TFDP1: variants seen among roughly 807,000 people sequenced by gnomAD.
TFDP1 encodes DRTF1-polypeptide 1.
TFDP1 carries 6 observed loss-of-function variants against 48.0 expected under a neutral mutation model. That is an observed-to-expected ratio of 0.13 (90% CI 0.07 to 0.25). The LOEUF (loss-of-function observed/expected upper bound fraction) is 0.25, where lower values mean the gene tolerates loss of function less well. Among genes scored for constraint, TFDP1 ranks in the 10% least tolerant of loss-of-function variants. TFDP1 has a pLI of 1.00. For missense variants in TFDP1, 335 were observed against 543.0 expected (o/e 0.62, Z 3.81); for synonymous variants, 201 against 211.6 (o/e 0.95, Z 0.44).
At chr13:113,630,925 C>T (rs375453370) in intron 4 of TFDP1, among the ~76,000 whole-genome samples, 44 of 152,314 alleles carry the variant, frequency 2.9e-4, no homozygotes, top group African/African-American at 1.0e-3. Flanking sequence ...CAGAGGGGCC[C>T]AGGTGTGTGA....
At chr13:113,593,759 C>T (rs1387800720) in intron 2 of TFDP1, among the ~76,000 whole-genome samples, 3 of 146,692 alleles carry the variant, frequency 2.0e-5, no homozygotes, top group African/African-American at 7.6e-5. Context: ...CGCGGGTCCT[C>T]AGCCGTGCCC....
At chr13:113,634,989 A>G (rs146698524) in intron 8 of TFDP1, among the ~76,000 whole-genome samples, 13 of 151,874 alleles carry the variant, frequency 8.6e-5, no homozygotes, top group Non-Finnish European at 1.3e-4. Flanking sequence ...CAAAAGACAG[A>G]TGGAGGGATG....
intron 4 of TFDP1, among the ~76,000 whole-genome samples, chr13:113,626,242 T>C (rs1342854747): frequency 6.6e-5 from 10 of 152,304 alleles, no homozygotes; most frequent in East Asian, 1.9e-4. Context: ...TGTTTTTTGT[T>C]GTCTAGGGCA....
At chr13:113,621,478 G>A (rs1322386882) in intron 3 of TFDP1, among the ~76,000 whole-genome samples, 2 of 152,192 alleles carry the variant, frequency 1.3e-5, no homozygotes, top group Non-Finnish European at 2.9e-5. Context: ...TCTTAGATAT[G>A]ATTATATATG....
intron 2 of TFDP1, among the ~76,000 whole-genome samples, chr13:113,595,542 A>G: frequency 6.6e-6 from 1 of 152,190 alleles, no homozygotes; most frequent in East Asian, 1.9e-4. Flanking sequence ...TTCCTGCTGC[A>G]TGGATGTGTC....
intron 2 of TFDP1, among the ~76,000 whole-genome samples, chr13:113,609,073 G>A (rs1045381017): frequency 6.6e-6 from 1 of 152,260 alleles, no homozygotes; most frequent in Non-Finnish European, 1.5e-5. Flanking sequence ...TTTTCCTGGT[G>A]TCGTATGTTT....
At chr13:113,616,493 G>C (rs535053751) in intron 3 of TFDP1, among the ~76,000 whole-genome samples, 1 of 152,306 alleles carries the variant, frequency 6.6e-6, no homozygotes, top group Admixed American at 6.5e-5. Flanking sequence ...GCCAGGCCGG[G>C]TCCCTCGTTT....
chr13:113,637,701 TC>T (rs1425657999), intron 10 of TFDP1, 116 bp from the exon 11 acceptor site: 1 of 1,578,190 alleles, frequency 6.3e-7, no homozygotes, highest in Non-Finnish European at 8.6e-7. Context: ...GCGAAGGATA[TC>T]CGGAAGCTTC....
intron 4 of TFDP1, among the ~76,000 whole-genome samples, chr13:113,625,761 TC>T (rs1375282542): frequency 1.7e-5 from 2 of 119,630 alleles, no homozygotes; most frequent in African/African-American, 6.9e-5. Flanking sequence ...CTCTCACGTG[TC>T]CTCAGGCGTC....
At chr13:113,634,939 A>G (rs940829628) in intron 8 of TFDP1, among the ~76,000 whole-genome samples, 2 of 152,188 alleles carry the variant, frequency 1.3e-5, no homozygotes, top group African/African-American at 4.8e-5. Context: ...GTGTGCATAC[A>G]TGTGTATGTG....
chr13:113,589,096 A>G (rs1464843812), intron 2 of TFDP1, among the ~76,000 whole-genome samples: 1 of 152,148 alleles, frequency 6.6e-6, no homozygotes, highest in Non-Finnish European at 1.5e-5. Flanking sequence ...GAAACAGCCT[A>G]GAAGGTGGCT....
chr13:113,611,154 A>G (rs2048699311), intron 3 of TFDP1, 92 bp downstream of exon 3: 1 of 1,270,944 alleles, frequency 7.9e-7, no homozygotes, highest in Non-Finnish European at 1.1e-6. Flanking sequence ...GCCTCTTGCT[A>G]ATGATGGCAT....
At chr13:113,604,245 G>T (rs1448738137) in intron 2 of TFDP1, among the ~76,000 whole-genome samples, 2 of 151,584 alleles carry the variant, frequency 1.3e-5, no homozygotes, top group Non-Finnish European at 2.9e-5. Context: ...CAGCCCACAA[G>T]AAATGCAAGG....
intron 5 of TFDP1, among the ~76,000 whole-genome samples, chr13:113,632,620 A>G (rs1429551797): frequency 2.0e-5 from 3 of 152,296 alleles, no homozygotes. Flanking sequence ...TATTAAAAAT[A>G]CAAAAAAATT....
At chr13:113,594,404 G>C (rs917455905) in intron 2 of TFDP1, among the ~76,000 whole-genome samples, 1 of 151,684 alleles carries the variant, frequency 6.6e-6, no homozygotes, top group Non-Finnish European at 1.5e-5. Context: ...GCCCTGCCCA[G>C]GTGACAGGTG....
At chr13:113,632,529 G>A (rs968621843) in intron 5 of TFDP1, among the ~76,000 whole-genome samples, 2 of 152,120 alleles carry the variant, frequency 1.3e-5, no homozygotes, top group Non-Finnish European at 2.9e-5. Flanking sequence ...GCTCACGCCT[G>A]TAATCCTAGA....
At position 113,631,657 on chromosome 13, in the gene TFDP1, A is replaced by G; in HGVS notation, c.221A>G (p.Asn74Ser). 6.2e-7 allele frequency: 1 copy of G among 1,614,122 alleles called. No homozygotes were observed. The highest frequency in any genetic ancestry group is 8.5e-7 in the Non-Finnish European group (1 of 1,179,998). The change falls in exon 5 of 12, where the codon AAC (asparagine) becomes AGC (serine). Residue 74 changes from asparagine to serine, a missense_variant. Coordinates refer to ENST00000375370, the MANE Select transcript of TFDP1 (RefSeq NM_007111.5). Reference protein sequence around the residue: ...IGTPQRPAASNTLVVGSPHTP... With the variant: ...IGTPQRPAASSTLVVGSPHTP... ...ACGCCTCAGAGACCGGCAGCGTCAA[A>G]CACCCTGGTGGTAGGAAGCCCACAC...
chr13:113,612,801 C>G (rs2048737335), intron 3 of TFDP1, among the ~76,000 whole-genome samples: 1 of 152,188 alleles, frequency 6.6e-6, no homozygotes, highest in South Asian at 2.1e-4. Context: ...TAGGAAGGAA[C>G]ATATTCTGCA....
chr13:113,622,182 T>C (rs1054459968), intron 3 of TFDP1, among the ~76,000 whole-genome samples: 1 of 152,218 alleles, frequency 6.6e-6, no homozygotes, highest in African/African-American at 2.4e-5. Flanking sequence ...TAAATATCAG[T>C]GCAGCCTGGC....
Sources: allele counts gnomAD v4.1 joint callset (sites outside exome capture counted in the v4.1 genomes callset), GRCh38; gene constraint gnomAD v4.1.1; transcripts MANE v1.5; gene names NCBI Gene and HGNC (gene_info 2026-07-23, HGNC 2026-07-21).